Variants in GRAMD1C observed in about 807,000 individuals in gnomAD.
GRAMD1C encodes the protein protein Aster-C.
Under a neutral mutation model 97.8 loss-of-function variants are expected in GRAMD1C, and 89 were observed. That is an observed-to-expected ratio of 0.91 (90% CI 0.77 to 1.09). The LOEUF (loss-of-function observed/expected upper bound fraction) is 1.09, where lower values mean the gene tolerates loss of function less well. Among genes scored for constraint, GRAMD1C ranks in the 50% least tolerant of loss-of-function variants. The pLI is 0.00. For synonymous variants in GRAMD1C, 256 were observed against 267.0 expected (o/e 0.96, Z 0.40); for missense variants, 740 against 766.4 (o/e 0.97, Z 0.41).
chr3:113,940,487 G>C (rs1414211225), intron 17 of GRAMD1C, 142 bp downstream of exon 17: 2 of 574,580 alleles, frequency 3.5e-6, no homozygotes, highest in African/African-American at 3.7e-5. Flanking sequence ...CCAGTCTCTA[G>C]TATGCAAGGG....
intron 6 of GRAMD1C, chr3:113,885,333 G>GT: frequency 6.3e-7 from 1 of 1,590,946 alleles, no homozygotes; most frequent in African/African-American, 1.3e-5. Flanking sequence ...GACTGCGCAC[G>GT]TTCGTGGCCT....
intron 11 of GRAMD1C, among the ~76,000 whole-genome samples, chr3:113,932,270 A>G (rs1028743507): frequency 5.9e-5 from 9 of 152,192 alleles, no homozygotes; most frequent in African/African-American, 2.2e-4. Flanking sequence ...AAAAGAACGT[A>G]TTTCCATACC....
chr3:113,906,652 A>ATT (rs11436537), intron 8 of GRAMD1C, among the ~76,000 whole-genome samples: 13 of 151,228 alleles, frequency 8.6e-5, no homozygotes, highest in African/African-American at 2.2e-4. Context: ...TGAAAAAACA[A>ATT]TTTTTTTTTG....
intron 9 of GRAMD1C, among the ~76,000 whole-genome samples, chr3:113,911,173 G>GACACACATACACACACACACAC (rs1553723511): frequency 2.7e-5 from 4 of 147,440 alleles, no homozygotes; most frequent in Non-Finnish European, 5.9e-5. Context: ...CAGAGAGAGA[G>GACACACATACACACACACACAC]ACACACACAC....
At chr3:113,855,530 C>G (rs1249609804) in intron 2 of GRAMD1C, among the ~76,000 whole-genome samples, 1 of 151,230 alleles carries the variant, frequency 6.6e-6, no homozygotes, top group Admixed American at 6.6e-5. Context: ...ATGGCAAAAC[C>G]CCCTTTCTAA....
chr3:113,941,526 T>TTTTCAGACAGGG (rs1937774248), intron 17 of GRAMD1C, among the ~76,000 whole-genome samples: 1 of 152,208 alleles, frequency 6.6e-6, no homozygotes, highest in African/African-American at 2.4e-5. Context: ...TATCTTCAAA[T>TTTTCAGACAGGG]TCTTCCATTG....
intron 9 of GRAMD1C, among the ~76,000 whole-genome samples, chr3:113,914,691 T>C (rs1378748846): frequency 6.6e-6 from 1 of 152,260 alleles, no homozygotes; most frequent in African/African-American, 2.4e-5. Flanking sequence ...TTTTTTTTTT[T>C]TCTTTTCTGT....
intron 10 of GRAMD1C, among the ~76,000 whole-genome samples, chr3:113,927,660 A>T (rs1003587765): frequency 2.6e-5 from 4 of 152,180 alleles, no homozygotes; most frequent in Admixed American, 2.0e-4. Context: ...ACTGGGCTGG[A>T]CACTCTAGCA....
chr3:113,830,358 C>T (rs574004594), intron 1 of GRAMD1C, among the ~76,000 whole-genome samples: 13 of 151,878 alleles, frequency 8.6e-5, no homozygotes, highest in Non-Finnish European at 1.6e-4. Flanking sequence ...CTGGCATTCA[C>T]CTGTGCAAGC....
intron 1 of GRAMD1C, among the ~76,000 whole-genome samples, chr3:113,839,798 C>T (rs952962105): frequency 6.6e-6 from 1 of 152,094 alleles, no homozygotes; most frequent in African/African-American, 2.4e-5. Flanking sequence ...AAATTATTTC[C>T]TCTATTGTAG....
intron 2 of GRAMD1C, among the ~76,000 whole-genome samples, chr3:113,854,081 G>A (rs1029066640): frequency 5.3e-5 from 8 of 152,128 alleles, no homozygotes; most frequent in African/African-American, 1.4e-4. Context: ...ACATGGAAGT[G>A]CCATTTAGGG....
chr3:113,829,321 G>T (rs1440031570), intron 1 of GRAMD1C, among the ~76,000 whole-genome samples: 1 of 152,194 alleles, frequency 6.6e-6, no homozygotes, highest in Non-Finnish European at 1.5e-5. Flanking sequence ...GGTGGTGTGG[G>T]CCTGTGGCCC....
Position 113,844,626 on chromosome 3 carries a change from T to C in GRAMD1C, c.151T>C (p.Trp51Arg). ...VKKQGPNLHN[W>R]SGDWSFWISS... is the part of the protein sequence containing the mutation. ...AAAACAGGGGCCAAATTTACATAAT[T>C]GGAGTGGTGACTGGAGCTTTTGGGT... The change falls in exon 2 of 18, where the codon TGG becomes CGG. Residue 51 changes from tryptophan (W) to arginine (R), a missense_variant. Trp to Arg is a moderately radical substitution (Grantham distance 101, BLOSUM62 -3). Coordinates refer to ENST00000358160, the MANE Select transcript of GRAMD1C (RefSeq NM_017577.5). 2 of 1,599,488 alleles carry C rather than the reference T, an allele frequency of 1.3e-6. No homozygotes were observed. Among genetic ancestry groups the C allele is most frequent in the Non-Finnish European group, 8.5e-7 (1 of 1,173,856 alleles).
chr3:113,882,782 A>G lies in GRAMD1C; in HGVS notation c.490A>G (p.Arg164Gly). 1 of 1,596,868 alleles carries G rather than the reference A, an allele frequency of 6.3e-7. No individual in the cohort carries two copies. ...CTTCACATCTTTTGGTGCCAGGGAT[A>G]GAAGTTACCTCAGTATCTTTAGGTT... ...FFFTSFGARD[R>G]SYLSIFRLWQ... The change falls in exon 6 of 18, where the codon AGA becomes GGA. Residue 164 changes from arginine (R) to glycine (G), a missense_variant. Coordinates refer to ENST00000358160, the MANE Select transcript of GRAMD1C (RefSeq NM_017577.5).
chr3:113,885,328 C>T (rs1362850875), intron 6 of GRAMD1C: 20 of 1,587,994 alleles, frequency 1.3e-5, no homozygotes, highest in African/African-American at 2.7e-5. Context: ...GCTGGGACTG[C>T]GCACGTTCGT....
At chr3:113,884,886 C>G (rs986738664) in intron 6 of GRAMD1C, among the ~76,000 whole-genome samples, 4 of 149,034 alleles carry the variant, frequency 2.7e-5, no homozygotes, top group Non-Finnish European at 6.0e-5. Context: ...GCGGACCACT[C>G]TCCGCTTTCC....
chr3:113,832,102 T>C (rs957844866), intron 1 of GRAMD1C, among the ~76,000 whole-genome samples: 1 of 152,056 alleles, frequency 6.6e-6, no homozygotes, highest in African/African-American at 2.4e-5. Flanking sequence ...AGTGGTGTGA[T>C]CTCGATTCAT....
intron 6 of GRAMD1C, among the ~76,000 whole-genome samples, chr3:113,893,329 C>G (rs1935808710): frequency 6.6e-6 from 1 of 152,080 alleles, no homozygotes; most frequent in Non-Finnish European, 1.5e-5. Context: ...CTTCCCACCT[C>G]TCCACCCACA....
At chr3:113,879,111 A>G (rs1301757196) in intron 5 of GRAMD1C, among the ~76,000 whole-genome samples, 1 of 152,070 alleles carries the variant, frequency 6.6e-6, no homozygotes, top group Non-Finnish European at 1.5e-5. Flanking sequence ...AGGCGGAGGC[A>G]AAAGAATCGC....
Sources: allele counts gnomAD v4.1 joint callset (sites outside exome capture counted in the v4.1 genomes callset), GRCh38; gene constraint gnomAD v4.1.1; transcripts MANE v1.5; gene names NCBI Gene and HGNC (gene_info 2026-07-23, HGNC 2026-07-21).